Variants in PKIA observed in about 807,000 individuals in gnomAD.
The protein encoded by PKIA is cAMP-dependent protein kinase inhibitor alpha.
Under a neutral mutation model 7.6 loss-of-function variants are expected in PKIA, and 4 were observed. That is an observed-to-expected ratio of 0.52 (90% CI 0.26 to 1.20). The LOEUF is 1.20. PKIA is among the 50% of genes most tolerant of loss of function. The pLI is 0.13. For missense variants in PKIA, 73 were observed against 86.2 expected, an observed-to-expected ratio of 0.85 and a Z score of 0.61; for synonymous variants, 21 against 30.7, an observed-to-expected ratio of 0.68 and a Z score of 1.04.
chr8:78,575,367 A>G (rs1807648172), intron 2 of PKIA, among the ~76,000 whole-genome samples: 1 of 151,854 alleles, frequency 6.6e-6, no homozygotes, highest in South Asian at 2.1e-4. Context: ...TTTGTGGCTT[A>G]TAAAATTGGC....
chr8:78,551,161 G>A (rs1313146105), intron 1 of PKIA, among the ~76,000 whole-genome samples: 1 of 152,078 alleles, frequency 6.6e-6, no homozygotes, highest in Admixed American at 6.6e-5. Flanking sequence ...ATGGGAATAA[G>A]AGTGTGGATA....
rs370497963 is a variant in PKIA, at chr8:78,579,629, A to G, written c.-28+6690A>G. ...GAAAGATAGATACATTTTACTTTGG[A>G]GGGTATTTACACGTTTAGCAATGAG... On this transcript the variant is annotated intron_variant, in intron 2 of 3. Coordinates refer to ENST00000396418, the MANE Select transcript of PKIA (RefSeq NM_006823.4). Among the ~76,000 whole-genome samples, 39 of 152,178 alleles carry G rather than the reference A, an allele frequency of 2.6e-4. No individual in the cohort carries two copies. In the East Asian group the frequency reaches 6.6e-3, roughly 26 times the overall value.
intron 1 of PKIA, among the ~76,000 whole-genome samples, chr8:78,544,302 C>G (rs1489427292): frequency 6.6e-6 from 1 of 152,170 alleles, no homozygotes; most frequent in African/African-American, 2.4e-5. Context: ...TCTATATTTT[C>G]TAGGCCATTG....
chr8:78,525,836 T>G (rs1300728068), intron 1 of PKIA, among the ~76,000 whole-genome samples: 1 of 152,034 alleles, frequency 6.6e-6, no homozygotes, highest in African/African-American at 2.4e-5. Context: ...GGCTACCACT[T>G]ATGTCTAGAT....
intron 2 of PKIA, among the ~76,000 whole-genome samples, chr8:78,595,701 T>C (rs890130614): frequency 2.6e-5 from 4 of 152,206 alleles, no homozygotes; most frequent in African/African-American, 9.6e-5. Context: ...TTTCTGTTCC[T>C]GCATTAATTT....
chr8:78,599,182 C>T lies in PKIA; in HGVS notation c.151+647C>T, dbSNP rs140722367. ...AAGTTTGATGGATTAAAAAACTTGA[C>T]AGTTTTACTTCTGAGTATTAGAATA... On this transcript the variant is annotated intron_variant, in intron 3 of 3. Coordinates refer to ENST00000396418, the MANE Select transcript of PKIA (RefSeq NM_006823.4). 3.6e-3 allele frequency among the ~76,000 whole-genome samples: 541 copies of T among 152,128 alleles called. 4 individuals are homozygous for T. The highest frequency in any genetic ancestry group is 0.012 in the African/African-American group (500 of 41,528).
intron 3 of PKIA, 71 bp downstream of exon 3, chr8:78,598,606 G>A: frequency 3.3e-6 from 4 of 1,198,388 alleles, no homozygotes; most frequent in South Asian, 1.3e-5. Flanking sequence ...AGGGATTAAG[G>A]CACGAAAAGC....
intron 1 of PKIA, among the ~76,000 whole-genome samples, chr8:78,522,563 A>T (rs1017538669): frequency 1.3e-5 from 2 of 151,978 alleles, no homozygotes; most frequent in African/African-American, 4.8e-5. Context: ...ACTGAACATG[A>T]TCCGAGCAAA....
At position 78,524,021 on chromosome 8, in the gene PKIA, CGTTT is replaced by C. The variant is rs1563565606; in HGVS notation, c.-157+7554_-157+7557del. On this transcript the variant is annotated intron_variant, in intron 1 of 3. Transcript: ENST00000396418. The stretch of plus-strand genomic sequence containing the variant: ...ACATTTATATATAAATATATATAAA[CGTTT>C]ATATAAACGTTTATATATATAAATA... Among the ~76,000 whole-genome samples the C allele has an allele frequency of 7.5e-3, 554 of 73,434 alleles. 3 individuals carry two copies. The highest frequency in any genetic ancestry group is 0.018 in the African/African-American group (249 of 13,462). The allele number at this position is 73,434 out of a possible 152,430, so 48.2% of individuals were successfully genotyped here.
chr8:78,549,268 C>G (rs1480633357), intron 1 of PKIA, among the ~76,000 whole-genome samples: 2 of 151,836 alleles, frequency 1.3e-5, no homozygotes, highest in African/African-American at 4.8e-5. Flanking sequence ...TGTTGTATGA[C>G]ATGATGTATA....
chr8:78,566,582 G>C (rs186929453), intron 1 of PKIA, among the ~76,000 whole-genome samples: 2 of 152,186 alleles, frequency 1.3e-5, no homozygotes, highest in Admixed American at 1.3e-4. Context: ...TCAAATTGAT[G>C]AGCATACTAT....
At chr8:78,539,354 A>T (rs1229699653) in intron 1 of PKIA, among the ~76,000 whole-genome samples, 1 of 151,966 alleles carries the variant, frequency 6.6e-6, no homozygotes, top group Non-Finnish European at 1.5e-5. Context: ...AAAAAGGGAG[A>T]CTCAGGGGTA....
At chr8:78,567,404 T>A (rs796923163) in intron 1 of PKIA, among the ~76,000 whole-genome samples, 15 of 152,252 alleles carry the variant, frequency 9.9e-5, no homozygotes, top group African/African-American at 3.6e-4. Context: ...TTGAAGACCT[T>A]GACAATTTTG....
chr8:78,581,592 A>G (rs1807808014), intron 2 of PKIA, among the ~76,000 whole-genome samples: 2 of 152,106 alleles, frequency 1.3e-5, no homozygotes, highest in Admixed American at 1.3e-4. Context: ...GCCAAAAAAC[A>G]CATCTTCTGA....
intron 2 of PKIA, among the ~76,000 whole-genome samples, chr8:78,575,672 T>G (rs1807658456): frequency 6.6e-6 from 1 of 152,016 alleles, no homozygotes; most frequent in African/African-American, 2.4e-5. Flanking sequence ...ATTTGAATAT[T>G]CAGCTTTAAA....
chr8:78,544,536 C>T (rs1047715440), intron 1 of PKIA, among the ~76,000 whole-genome samples: 1 of 152,120 alleles, frequency 6.6e-6, no homozygotes, highest in African/African-American at 2.4e-5. Context: ...TACACTGCAC[C>T]TAGCACATGG....
rs1291936579 is a variant in PKIA at position 78,604,276 on chromosome 8, A to G, written c.*2455A>G. 6.6e-6 allele frequency: 1 copy of G among 151,962 alleles called. No individual in the cohort carries two copies. The highest frequency in any genetic ancestry group is 2.4e-5 in the African/African-American group (1 of 41,406). 9.4% of individuals were successfully genotyped at this position (151,962 alleles called of 1,614,324 possible). A position where few individuals can be genotyped will look rare whatever the true frequency, so the allele number is the denominator to read the frequency against. ...TTTGATCCTCAAACAATTCTATTAG[A>G]GTGGTATTTTTATCCAATTTCACAG... On this transcript the variant is annotated 3_prime_UTR_variant, in exon 4 of 4. Coordinates refer to ENST00000396418, the MANE Select transcript of PKIA (RefSeq NM_006823.4).
At chr8:78,528,797 T>C (rs1416471520) in intron 1 of PKIA, among the ~76,000 whole-genome samples, 1 of 151,778 alleles carries the variant, frequency 6.6e-6, no homozygotes, top group African/African-American at 2.4e-5. Context: ...AGACCTCGTC[T>C]ATAAAAAAAA....
rs1808417789 is a variant in PKIA at position 78,604,073 on chromosome 8, A to G, written c.*2252A>G. On this transcript the variant is annotated 3_prime_UTR_variant, in exon 4 of 4. Transcript: ENST00000396418. ...CACATCCTATACATTTTGCTTATTC[A>G]TGGCATCTTTCAAATTTTATTTTAG... 2 of 152,006 alleles carry G rather than the reference A, an allele frequency of 1.3e-5. No homozygotes were observed. The highest frequency in any genetic ancestry group is 2.4e-5 in the African/African-American group (1 of 41,412). The allele number at this position is 152,006 out of a possible 1,614,324, so 9.4% of individuals were successfully genotyped here. A position where few individuals can be genotyped will look rare whatever the true frequency, so the allele number is the denominator to read the frequency against.
Sources: allele counts gnomAD v4.1 joint callset (sites outside exome capture counted in the v4.1 genomes callset), GRCh38; gene constraint gnomAD v4.1.1; transcripts MANE v1.5; gene names NCBI Gene and HGNC (gene_info 2026-07-23, HGNC 2026-07-21).